Variants in ANXA6 observed in about 807,000 individuals in gnomAD.
The protein encoded by ANXA6 is annexin A6.
ANXA6 carries 71 observed loss-of-function variants against 95.4 expected under a neutral mutation model. The ratio of observed to expected loss-of-function variants is 0.74; its 90% CI spans 0.61 to 0.91. The LOEUF (loss-of-function observed/expected upper bound fraction) is 0.91. Ranked by LOEUF, ANXA6 falls within the 40% of genes least tolerant of loss-of-function variation. The pLI, the probability that ANXA6 is intolerant of heterozygous loss-of-function variation, is 0.00. For missense variants in ANXA6, 830 were observed against 876.4 expected, an observed-to-expected ratio of 0.95 and a Z score of 0.67; for synonymous variants, 289 against 315.9, an observed-to-expected ratio of 0.91 and a Z score of 0.90.
At chr5:151,137,161 T>G in intron 6 of ANXA6, 70 bp downstream of exon 6, 1 of 1,305,226 alleles carries the variant, frequency 7.7e-7, no homozygotes, top group Non-Finnish European at 1.1e-6. Flanking sequence ...AGAATCTTAG[T>G]GTCCCCACTG....
intron 3 of ANXA6, 102 bp downstream of exon 3, chr5:151,140,051 A>G (rs780521272): frequency 3.4e-6 from 3 of 874,404 alleles, no homozygotes; most frequent in Non-Finnish European, 3.5e-6. Context: ...GAATAAGTGC[A>G]CTTCACCATT....
intron 4 of ANXA6, 194 bp downstream of exon 4, chr5:151,139,159 G>A (rs1765753587): frequency 1.7e-6 from 1 of 595,568 alleles, no homozygotes; most frequent in African/African-American, 1.9e-5. Context: ...CACGAGCCCA[G>A]CATACAGCAG....
intron 1 of ANXA6, chr5:151,155,299 G>A (rs1766207736): frequency 6.6e-6 from 1 of 152,178 alleles, no homozygotes; most frequent in Non-Finnish European, 1.5e-5. Context: ...AGAGGAACTT[G>A]AGGCTCAGGT....
intron 21 of ANXA6, 46 bp downstream of exon 21, chr5:151,110,581 T>C: frequency 6.2e-7 from 1 of 1,608,638 alleles, no homozygotes; most frequent in African/African-American, 1.3e-5. Flanking sequence ...AAAGGCGGAC[T>C]TTACTCAGAG....
intron 1 of ANXA6, among the ~76,000 whole-genome samples, chr5:151,148,882 T>C (rs1455131516): frequency 6.6e-6 from 1 of 151,976 alleles, no homozygotes; most frequent in Non-Finnish European, 1.5e-5. Flanking sequence ...CTGTAAAGAC[T>C]GGATTTTTCA....
Position 151,105,250 on chromosome 5 carries a change from T to C in ANXA6, c.1834A>G (p.Met612Val), listed in dbSNP as rs756879379. 3.1e-6 allele frequency: 5 copies of C among 1,613,890 alleles called. No individual in the cohort carries two copies. The highest frequency in any genetic ancestry group is 1.1e-5 in the South Asian group (1 of 91,082). The change falls in exon 24 of 26, where the codon ATG becomes GTG. Residue 612 changes from methionine (M) to valine (V), a missense_variant. By Grantham distance (21) the Met-to-Val change is conservative (BLOSUM62 1). Coordinates refer to ENST00000354546, the MANE Select transcript of ANXA6 (RefSeq NM_001155.5). ...ACGCCAGCATGTTTTCTTACCTTCA[T>C]GGATTTGTAAAGTTTGTCGGCAAAG... Reference protein sequence around the residue: ...LFFADKLYKSMKGAGTDEKTL... With the variant: ...LFFADKLYKSVKGAGTDEKTL...
chr5:151,109,656 T>C, intron 22 of ANXA6, 97 bp downstream of exon 22: 1 of 943,144 alleles, frequency 1.1e-6, no homozygotes, highest in Non-Finnish European at 1.7e-6. Flanking sequence ...AGGAGGTGGG[T>C]GGGCAACGGG....
chr5:151,109,031 T>G (rs1764776796), intron 22 of ANXA6, among the ~76,000 whole-genome samples: 1 of 152,140 alleles, frequency 6.6e-6, no homozygotes, highest in Non-Finnish European at 1.5e-5. Context: ...TTTTGTATCT[T>G]CACAACAATC....
chr5:151,117,551 G>A (rs1765036187), intron 19 of ANXA6, among the ~76,000 whole-genome samples: 1 of 152,220 alleles, frequency 6.6e-6, no homozygotes. Flanking sequence ...CACCAGGGAG[G>A]ACTGTCTGGA....
chr5:151,134,362 C>G, intron 8 of ANXA6, 65 bp downstream of exon 8: 1 of 1,560,026 alleles, frequency 6.4e-7, no homozygotes, highest in South Asian at 1.1e-5. Flanking sequence ...TTCCCAGGGC[C>G]CCAACCTCTC....
chr5:151,154,196 G>C (rs1422900543), intron 1 of ANXA6, among the ~76,000 whole-genome samples: 1 of 151,576 alleles, frequency 6.6e-6, no homozygotes, highest in Non-Finnish European at 1.5e-5. Flanking sequence ...TACAAACCAG[G>C]CCCACTGGTA....
intron 2 of ANXA6, among the ~76,000 whole-genome samples, chr5:151,143,443 T>G (rs576651822): frequency 5.4e-4 from 82 of 152,258 alleles, no homozygotes; most frequent in African/African-American, 1.9e-3. Context: ...TCCTAAGTGC[T>G]TCTCACATTC....
At position 151,140,242 on chromosome 5, in the gene ANXA6, C is replaced by A; in HGVS notation, c.20G>T (p.Gly7Val). 1 of 1,613,820 alleles carries A rather than the reference C, an allele frequency of 6.2e-7. No homozygotes were observed. The highest frequency in any genetic ancestry group is 8.5e-7 in the Non-Finnish European group (1 of 1,179,826). Residue 7 changes from glycine to valine, a missense_variant and splice_region_variant, in exon 3 of 26, where the codon GGT becomes GTT. By Grantham distance (109) the Gly-to-Val change is moderately radical. Coordinates refer to ENST00000354546, the MANE Select transcript of ANXA6 (RefSeq NM_001155.5). Reference protein sequence around the residue: MAKPAQGAKYRGSIHDF... With the variant: MAKPAQVAKYRGSIHDF... ...ATGGATGGAGCCCCGGTACTTGGCA[C>A]CCTGTGGAGAAAAAAGTAGAGGGTG...
At chr5:151,123,701 CA>C (rs1765233759) in intron 15 of ANXA6, among the ~76,000 whole-genome samples, 3 of 152,174 alleles carry the variant, frequency 2.0e-5, no homozygotes, top group African/African-American at 7.2e-5. Context: ...GAGTTGCTGT[CA>C]GACAGATGGG....
At chr5:151,126,503 G>A (rs764233676) in intron 13 of ANXA6, 23 bp from the exon 14 acceptor site, 7 of 1,590,714 alleles carry the variant, frequency 4.4e-6, no homozygotes, top group African/African-American at 2.7e-5. Flanking sequence ...GGTTTAGGGA[G>A]AGGACAGGAA....
At chr5:151,109,872 A>G in intron 21 of ANXA6, 26 bp from the exon 22 acceptor site, 3 of 1,512,884 alleles carry the variant, frequency 2.0e-6, no homozygotes, top group South Asian at 1.2e-5. Context: ...TGGAGCAAGG[A>G]TTTGGGAGGG....
At chr5:151,122,856 C>G in intron 16 of ANXA6, 61 bp downstream of exon 16, 1 of 1,482,398 alleles carries the variant, frequency 6.7e-7, no homozygotes, top group Non-Finnish European at 9.4e-7. Flanking sequence ...TGGGGACAGG[C>G]TGAGCTCAAT....
At chr5:151,117,380 TG>T (rs2063032727) in intron 19 of ANXA6, among the ~76,000 whole-genome samples, 200 bp from the exon 20 acceptor site, 1 of 152,220 alleles carries the variant, frequency 6.6e-6, no homozygotes, top group Non-Finnish European at 1.5e-5. Flanking sequence ...CACCAATGCC[TG>T]ACACACAGCA....
intron 17 of ANXA6, among the ~76,000 whole-genome samples, chr5:151,120,824 T>C (rs1765147762): frequency 6.6e-6 from 1 of 152,214 alleles, no homozygotes; most frequent in Admixed American, 6.5e-5. Flanking sequence ...AGGAGATTCA[T>C]CCTGATTGAG....
Sources: allele counts gnomAD v4.1 joint callset (sites outside exome capture counted in the v4.1 genomes callset), GRCh38; gene constraint gnomAD v4.1.1; transcripts MANE v1.5; gene names NCBI Gene and HGNC (gene_info 2026-07-23, HGNC 2026-07-21).